The following WHRN variants were observed in gnomAD, a reference collection of about 807,000 sequenced individuals.
WHRN encodes CASK-interacting protein CIP98.
WHRN carries 41 observed loss-of-function variants against 68.3 expected under a neutral mutation model. The ratio of observed to expected loss-of-function variants is 0.60; its 90% CI spans 0.47 to 0.78. WHRN has a LOEUF of 0.78. WHRN is among the 30% of genes least tolerant of loss of function. WHRN has a pLI of 0.00. For synonymous variants in WHRN, 560 were observed against 561.3 expected, an observed-to-expected ratio of 1.00 and a Z score of 0.03; for missense variants, 1,243 against 1,244.7, an observed-to-expected ratio of 1.00 and a Z score of 0.02.
chr9:114,423,188 G>A (rs890179912), intron 7 of WHRN, 126 bp downstream of exon 7: 80 of 1,013,416 alleles, frequency 7.9e-5, no homozygotes, highest in Non-Finnish European at 1.2e-4. Context: ...CTGAGGCTCA[G>A]AGAGGCAAGG....
chr9:114,413,410 A>G (rs571431194), intron 7 of WHRN, among the ~76,000 whole-genome samples: 5 of 152,226 alleles, frequency 3.3e-5, no homozygotes, highest in Admixed American at 2.6e-4. Context: ...AGGGACAGGG[A>G]TGTGAGCCAG....
chr9:114,422,196 G>A (rs1836350748), intron 7 of WHRN, among the ~76,000 whole-genome samples: 1 of 152,152 alleles, frequency 6.6e-6, no homozygotes, highest in Non-Finnish European at 1.5e-5. Flanking sequence ...GATTCCTCCA[G>A]AAAGAGCTCT....
intron 3 of WHRN, among the ~76,000 whole-genome samples, chr9:114,434,225 G>A (rs1408447762): frequency 6.6e-6 from 1 of 152,158 alleles, no homozygotes; most frequent in Non-Finnish European, 1.5e-5. Context: ...GGAAGGGTCC[G>A]TGTTTCATAG....
intron 1 of WHRN, among the ~76,000 whole-genome samples, chr9:114,495,868 G>A (rs1037308518): frequency 5.3e-5 from 8 of 152,168 alleles, no homozygotes; most frequent in African/African-American, 1.7e-4. Flanking sequence ...CCACCCCTCC[G>A]TCCAGGGACA....
intron 1 of WHRN, among the ~76,000 whole-genome samples, chr9:114,488,708 G>A (rs576319548): frequency 7.2e-5 from 11 of 152,234 alleles, no homozygotes; most frequent in Middle Eastern, 3.4e-3. Flanking sequence ...TTGGTGATGC[G>A]GACTCTGCCC....
In WHRN at chr9:114,504,713, GCGCCCCCGCCGCCGCC is replaced by G. The variant is rs1564249350; in HGVS notation, c.73_88del (p.Gly25ArgfsTer17). ...GTTGGCAGACAGTAACCGCAGCCCC[GCGCCCCCGCCGCCGCC>G]CGCCCCGGCCGCCGAGCCCAGCGAG... On this transcript the variant is annotated frameshift_variant, in exon 1 of 12. Transcript: ENST00000362057. LOFTEE classifies it high-confidence loss of function. The G allele has an allele frequency of 8.5e-6, 13 of 1,523,608 alleles. No homozygotes were observed. The highest frequency in any genetic ancestry group is 1.1e-5 in the Non-Finnish European group (13 of 1,145,266). The allele number at this position is 1,523,608 out of a possible 1,614,324, so 94.4% of individuals were successfully genotyped here.
intron 3 of WHRN, among the ~76,000 whole-genome samples, chr9:114,462,929 G>A (rs2132901338): frequency 6.6e-6 from 1 of 152,332 alleles, no homozygotes; most frequent in East Asian, 1.9e-4. Flanking sequence ...ATCAGAGAGA[G>A]AGGGCGAGAT....
intron 1 of WHRN, among the ~76,000 whole-genome samples, chr9:114,482,023 G>C (rs1399508679): frequency 6.6e-6 from 1 of 151,746 alleles, no homozygotes; most frequent in African/African-American, 2.4e-5. Context: ...TATGACACTT[G>C]AGCCTGGTGA....
chr9:114,479,060 T>C (rs1414820644), intron 1 of WHRN, among the ~76,000 whole-genome samples: 2 of 152,206 alleles, frequency 1.3e-5, no homozygotes, highest in African/African-American at 2.4e-5. Flanking sequence ...GGAAGGCTCG[T>C]TTACAAGGCC....
chr9:114,457,302 CA>C (rs1400635619), intron 3 of WHRN, among the ~76,000 whole-genome samples: 1 of 151,974 alleles, frequency 6.6e-6, no homozygotes, highest in Non-Finnish European at 1.5e-5. Context: ...TTTCTTGTGC[CA>C]GAAAGTAAAG....
chr9:114,434,526 T>TCTCCGATTCTC (rs1554721626), intron 3 of WHRN, among the ~76,000 whole-genome samples: 1 of 148,680 alleles, frequency 6.7e-6, no homozygotes. Context: ...CCCCTGACCT[T>TCTCCGATTCTC]TCCTCCAAGC....
intron 3 of WHRN, among the ~76,000 whole-genome samples, chr9:114,445,156 C>T (rs1452102315): frequency 6.6e-6 from 1 of 151,980 alleles, no homozygotes; most frequent in Non-Finnish European, 1.5e-5. Context: ...ATTCTTGTGC[C>T]TCAGCCTTCC....
intron 2 of WHRN, among the ~76,000 whole-genome samples, chr9:114,469,520 C>T (rs893774432): frequency 1.3e-5 from 2 of 152,250 alleles, no homozygotes; most frequent in Admixed American, 6.5e-5. Context: ...ACCAGGGTCA[C>T]AACCCTCCCT....
At chr9:114,428,784 G>C (rs1837125595) in intron 3 of WHRN, among the ~76,000 whole-genome samples, 1 of 151,582 alleles carries the variant, frequency 6.6e-6, no homozygotes, top group Non-Finnish European at 1.5e-5. Flanking sequence ...TTACCCCCCT[G>C]AGCAGATCCT....
Position 114,402,626 on chromosome 9 carries a change from A to G in WHRN, c.*128T>C. ...GTTCTGGTCCAGTGGGCTGGGATGG[A>G]GGGGGGATGTCTTCCTGCCACCCTG... On this transcript the variant is annotated 3_prime_UTR_variant, in exon 12 of 12. Transcript: ENST00000362057. The G allele has an allele frequency of 1.7e-6, 2 of 1,168,086 alleles. No homozygotes were observed. Among genetic ancestry groups the G allele is most frequent in the Non-Finnish European group, 2.5e-6 (2 of 789,320 alleles). The allele number at this position is 1,168,086 out of a possible 1,614,324, so 72.4% of individuals were successfully genotyped here. A position where few individuals can be genotyped will look rare whatever the true frequency, so the allele number is the denominator to read the frequency against.
chr9:114,455,304 T>C (rs532676780), intron 3 of WHRN, among the ~76,000 whole-genome samples: 1 of 152,280 alleles, frequency 6.6e-6, no homozygotes, highest in South Asian at 2.1e-4. Context: ...CTGCAGCCTC[T>C]ACTTCCAAAG....
chr9:114,417,797 T>G (rs1024524159), intron 7 of WHRN, among the ~76,000 whole-genome samples: 5 of 152,272 alleles, frequency 3.3e-5, no homozygotes, highest in African/African-American at 1.2e-4. Context: ...CTGCAGTCCT[T>G]GTTCAAATAT....
intron 3 of WHRN, among the ~76,000 whole-genome samples, chr9:114,464,888 G>A (rs1346985386): frequency 6.6e-6 from 1 of 151,896 alleles, no homozygotes; most frequent in Non-Finnish European, 1.5e-5. Flanking sequence ...GTCCCTTTGG[G>A]CTGCTATAAC....
chr9:114,424,220 C>T, intron 6 of WHRN, 114 bp downstream of exon 6: 10 of 1,243,148 alleles, frequency 8.0e-6, no homozygotes, highest in Non-Finnish European at 1.1e-5. Flanking sequence ...GGTCTCTGCC[C>T]AGTGTTCAGT....
Sources: gnomAD v4.1 joint callset for allele counts (sites outside exome capture counted in the v4.1 genomes callset) on GRCh38, gnomAD v4.1.1 for gene constraint, MANE v1.5 for transcripts, NCBI Gene and HGNC (gene_info 2026-07-23, HGNC 2026-07-21) for gene names.